KRT82: variants seen among roughly 807,000 people sequenced by gnomAD.
KRT82 encodes keratin, type II cuticular Hb2.
Under a neutral mutation model 48.0 loss-of-function variants are expected in KRT82, and 44 were observed. The observed-to-expected ratio is 0.92, with a 90% CI of 0.72 to 1.18. The LOEUF is 1.18. Among genes scored for constraint, KRT82 ranks in the 50% most tolerant of loss-of-function variants. The probability of loss-of-function intolerance (pLI) is 0.00; values close to 1 mark genes in which losing one functional copy is unlikely to be tolerated. For synonymous variants in KRT82, 297 were observed against 278.3 expected (o/e 1.07, Z -0.67); for missense variants, 701 against 671.4 (o/e 1.04, Z -0.49).
At position 52,395,105 on chromosome 12, in the gene KRT82, C is replaced by T. The variant is rs1592152019; in HGVS notation, c.1412G>A (p.Gly471Asp). 3 of 1,614,062 alleles carry T rather than the reference C, an allele frequency of 1.9e-6. No homozygotes were observed. The highest frequency in any genetic ancestry group is 2.5e-6 in the Non-Finnish European group (3 of 1,179,976). The change falls in exon 9 of 9, where the codon GGC (glycine) becomes GAC (aspartate). Residue 471 changes from glycine (G) to aspartate (D), a missense_variant. Coordinates refer to ENST00000257974, the MANE Select transcript of KRT82 (RefSeq NM_033033.4). The part of the protein sequence containing the change: ...LSTGVLRSNG[G>D]CSIVGTGELY... ...TTCACCAGTGCCCACGATGCTGCAG[C>T]CCCCATTGCTCCTGAGGACGCCAGT...
intron 8 of KRT82, 66 bp downstream of exon 8, chr12:52,395,693 C>T (rs781496186): frequency 3.6e-5 from 45 of 1,238,362 alleles, no homozygotes; most frequent in Non-Finnish European, 5.0e-5. Flanking sequence ...GTGGTGTGGG[C>T]TGCCTGTGTT....
At chr12:52,400,277 A>C in intron 4 of KRT82, 128 bp from the exon 5 acceptor site, 1 of 982,186 alleles carries the variant, frequency 1.0e-6, no homozygotes, top group Non-Finnish European at 1.5e-6. Context: ...TCTGGGCTTC[A>C]GTCACCAACT....
chr12:52,406,238 TGC>T lies in KRT82; in HGVS notation c.38_39del (p.Gly13GlufsTer31), dbSNP rs200230668. The T allele has an allele frequency of 3.2e-4, 510 of 1,608,266 alleles. 3 individuals are homozygous for T. In the East Asian group the frequency reaches 0.011, roughly 34 times the overall value. On this transcript the variant is annotated frameshift_variant, in exon 1 of 9. Coordinates refer to ENST00000257974, the MANE Select transcript of KRT82 (RefSeq NM_033033.4). LOFTEE classifies it high-confidence loss of function. ...YHSFQPGSRC[G>X]SQSFSSYSAV... ...GCCGAGTATGAGCTGAAACTCTGAC[TGC>T]CACACCTGGAGCCTGGCTGGAAAGA...
chr12:52,400,725 T>C (rs2121477123), intron 3 of KRT82, 103 bp from the exon 4 acceptor site: 5 of 796,970 alleles, frequency 6.3e-6, no homozygotes, highest in Non-Finnish European at 1.1e-5. Context: ...CGAACACCCA[T>C]GGGCATCGAA....
In KRT82 at chr12:52,400,528, T is replaced by G; in HGVS notation, c.776A>C (p.Glu259Ala). 6.2e-7 allele frequency: 1 copy of G among 1,612,784 alleles called. No homozygotes were observed. The highest frequency in any genetic ancestry group is 8.5e-7 in the Non-Finnish European group (1 of 1,178,728). Residue 259 changes from glutamate (E) to alanine (A), a missense_variant and splice_region_variant, in exon 4 of 9, where the codon GAG becomes GCG. Glu to Ala is a moderately radical substitution (Grantham distance 107, BLOSUM62 -1). Coordinates refer to ENST00000257974, the MANE Select transcript of KRT82 (RefSeq NM_033033.4). The stretch of plus-strand genomic sequence containing the variant: ...ACCCAAGGTCAGGGCTGTGGGTACC[T>G]CCTCATACAGGCTTTTCAGGAAGTC... ...EIDFLKSLYE[E>A]EICLLQSQIS...
chr12:52,395,291 T>A, intron 8 of KRT82, 96 bp from the exon 9 acceptor site: 1 of 977,768 alleles, frequency 1.0e-6, no homozygotes, highest in Non-Finnish European at 1.5e-6. Context: ...TCCCACCTCC[T>A]GCCACTCACC....
intron 2 of KRT82, among the ~76,000 whole-genome samples, chr12:52,401,752 G>C (rs1415148617): frequency 6.6e-6 from 1 of 151,962 alleles, no homozygotes; most frequent in Non-Finnish European, 1.5e-5. Flanking sequence ...CATCCTCCTC[G>C]CTGGGAGGGT....
At chr12:52,400,413 C>G (rs546255366) in intron 4 of KRT82, 114 bp downstream of exon 4, 7 of 834,032 alleles carry the variant, frequency 8.4e-6, no homozygotes, top group East Asian at 4.9e-5. Context: ...CTCTACAGTG[C>G]GGACCTCTTT....
At chr12:52,396,752 G>T in intron 6 of KRT82, 131 bp downstream of exon 6, 2 of 1,027,980 alleles carry the variant, frequency 1.9e-6, no homozygotes, top group Non-Finnish European at 2.8e-6. Flanking sequence ...GCTTCTGCTT[G>T]AGCAAGGCAG....
Position 52,396,186 on chromosome 12 carries a change from T to A in KRT82, c.1115A>T (p.Glu372Val). Residue 372 changes from glutamate to valine, a missense_variant, in exon 7 of 9, where the codon GAG becomes GTG. Glu to Val is a moderately radical substitution (Grantham distance 121, BLOSUM62 -2). Coordinates refer to ENST00000257974, the MANE Select transcript of KRT82 (RefSeq NM_033033.4). ...GAIAEAEQQG[E>V]AALNDAKCKL... ...GCACTTGGCATCATTGAGAGCCGCC[T>A]CGCCCTGCTGCTCTGCCTCAGCTAT... The A allele has an allele frequency of 1.9e-6, 3 of 1,614,132 alleles. No individual in the cohort carries two copies. The highest frequency in any genetic ancestry group is 2.5e-6 in the Non-Finnish European group (3 of 1,180,034).
intron 2 of KRT82, among the ~76,000 whole-genome samples, chr12:52,401,666 G>A (rs1434412718): frequency 6.6e-6 from 1 of 152,148 alleles, no homozygotes; most frequent in Non-Finnish European, 1.5e-5. Context: ...GGCCTCCCTT[G>A]GGAACGTAGA....
chr12:52,399,839 G>T, intron 5 of KRT82, 146 bp downstream of exon 5: 2 of 817,304 alleles, frequency 2.4e-6, no homozygotes, highest in East Asian at 2.6e-5. Flanking sequence ...AACAGCAGCT[G>T]GGCTTTATGG....
chr12:52,394,945 G>A lies in KRT82; in HGVS notation c.*30C>T. 2 of 1,586,630 alleles carry A rather than the reference G, an allele frequency of 1.3e-6. No homozygotes were observed. Among genetic ancestry groups the A allele is most frequent in the Non-Finnish European group, 1.7e-6 (2 of 1,155,492 alleles). On this transcript the variant is annotated 3_prime_UTR_variant, in exon 9 of 9. Transcript: ENST00000257974. ...GTGACATCCAGGGCCATGGGGCAGG[G>A]GCTCTGTCTCCTGGATGTCTCGGAT...
At position 52,395,121 on chromosome 12, in the gene KRT82, G is replaced by A. The variant is rs778301924; in HGVS notation, c.1396C>T (p.Leu466Phe). The change falls in exon 9 of 9, where the codon CTC (leucine) becomes TTC (phenylalanine). Residue 466 changes from leucine to phenylalanine, a missense_variant. By Grantham distance (22) the Leu-to-Phe change is conservative (BLOSUM62 0). Coordinates refer to ENST00000257974, the MANE Select transcript of KRT82 (RefSeq NM_033033.4). ...ATGCTGCAGCCCCCATTGCTCCTGA[G>A]GACGCCAGTGCTGAGGACAGGCGTG... ...VSTPVLSTGV[L>F]RSNGGCSIVG... The A allele has an allele frequency of 3.1e-6, 5 of 1,613,954 alleles. No individual in the cohort carries two copies. The highest frequency in any genetic ancestry group is 3.3e-5 in the Admixed American group (2 of 60,002).
chr12:52,397,405 A>T (rs1939730287), intron 5 of KRT82, among the ~76,000 whole-genome samples: 1 of 152,174 alleles, frequency 6.6e-6, no homozygotes, highest in African/African-American at 2.4e-5. Flanking sequence ...CAGACCAAGG[A>T]CTGCCCATTA....
In KRT82 at chr12:52,397,004, T is replaced by C; in HGVS notation, c.947A>G (p.Glu316Gly). 1 of 1,613,778 alleles carries C rather than the reference T, an allele frequency of 6.2e-7. No homozygotes were observed. Among genetic ancestry groups the C allele is most frequent in the Non-Finnish European group, 8.5e-7 (1 of 1,180,004 alleles). ...GTTCCCAGCTGTGACTCTCAGCTCC[T>C]CATACTGCCAGGACAGAGAGGTCAG... ...EAEAWYQCRY[E>G]ELRVTAGNHC... Residue 316 changes from glutamate to glycine, a missense_variant, in exon 6 of 9, where the codon GAG (glutamate) becomes GGG (glycine). By Grantham distance (98) the Glu-to-Gly change is moderately conservative. Coordinates refer to ENST00000257974, the MANE Select transcript of KRT82 (RefSeq NM_033033.4).
chr12:52,404,007 A>G (rs2121483933), intron 1 of KRT82, 98 bp from the exon 2 acceptor site: 10 of 1,187,446 alleles, frequency 8.4e-6, no homozygotes, highest in South Asian at 1.5e-5. Context: ...CTCCCAACAC[A>G]TGGCTACCAG....
rs1939687723 is a variant in KRT82 at position 52,394,840 on chromosome 12, G to C, written c.*135C>G. On this transcript the variant is annotated 3_prime_UTR_variant, in exon 9 of 9. Coordinates refer to ENST00000257974, the MANE Select transcript of KRT82 (RefSeq NM_033033.4). ...CTAGGGGCAGCTCAGCTCTCAAGGA[G>C]GGAACACTGGAGGGGAATGTGGAGT... The C allele has an allele frequency of 1.3e-6, 1 of 761,728 alleles. No homozygotes were observed. The highest frequency in any genetic ancestry group is 2.2e-6 in the Non-Finnish European group (1 of 453,546). 47.2% of individuals were successfully genotyped at this position (761,728 alleles called of 1,614,324 possible). A position where few individuals can be genotyped will look rare whatever the true frequency, so the allele number is the denominator to read the frequency against.
At chr12:52,396,333 C>T in intron 6 of KRT82, 101 bp from the exon 7 acceptor site, 1 of 1,122,744 alleles carries the variant, frequency 8.9e-7, no homozygotes, top group Non-Finnish European at 1.3e-6. Flanking sequence ...GTGCCAGGCT[C>T]ACATTTGCGA....
Sources: gnomAD v4.1 joint callset for allele counts (sites outside exome capture counted in the v4.1 genomes callset) on GRCh38, gnomAD v4.1.1 for gene constraint, MANE v1.5 for transcripts, NCBI Gene and HGNC (gene_info 2026-07-23, HGNC 2026-07-21) for gene names.